The following PLEKHD1 variants were observed in gnomAD, a reference collection of about 807,000 sequenced individuals.
The protein encoded by PLEKHD1 is pleckstrin homology domain-containing family D member 1.
Under a neutral mutation model 69.2 loss-of-function variants are expected in PLEKHD1, and 51 were observed. The observed-to-expected ratio is 0.74, with a 90% CI of 0.59 to 0.93. The LOEUF is 0.93. Among genes scored for constraint, PLEKHD1 ranks in the 40% least tolerant of loss-of-function variants. The probability of loss-of-function intolerance (pLI) is 0.00; values close to 1 mark genes in which losing one functional copy is unlikely to be tolerated. For synonymous variants in PLEKHD1, 236 were observed against 244.7 expected (o/e 0.96, Z 0.33); for missense variants, 584 against 641.0 (o/e 0.91, Z 0.96).
At chr14:69,477,354 T>C in the PLEKHD1 span, among the ~76,000 whole-genome samples, 87 of 152,326 alleles carry the variant, frequency 5.7e-4, no homozygotes, top group Middle Eastern at 3.4e-3. Flanking sequence ...GAATTCAAGA[T>C]GAGATTTGGG....
intron 9 of PLEKHD1, 111 bp downstream of exon 9, chr14:69,526,233 C>A: frequency 8.8e-7 from 1 of 1,141,262 alleles, no homozygotes; most frequent in Non-Finnish European, 1.2e-6. Context: ...AAGTAGGACT[C>A]ACTCACTTCC....
At chr14:69,470,232 G>A in the PLEKHD1 span, among the ~76,000 whole-genome samples, 5 of 151,762 alleles carry the variant, frequency 3.3e-5, no homozygotes, top group African/African-American at 1.2e-4. Context: ...GGGGGCCAAG[G>A]TGGGCAGATC....
At chr14:69,493,291 A>G (rs571561178) in intron 1 of PLEKHD1, among the ~76,000 whole-genome samples, 2 of 152,370 alleles carry the variant, frequency 1.3e-5, no homozygotes, top group African/African-American at 4.8e-5. Context: ...TTCCAGTCAC[A>G]TGTAATGAGG....
At chr14:69,498,868 G>A (rs1169934933) in intron 1 of PLEKHD1, among the ~76,000 whole-genome samples, 1 of 151,782 alleles carries the variant, frequency 6.6e-6, no homozygotes, top group Non-Finnish European at 1.5e-5. Flanking sequence ...GGCTGGTCTC[G>A]ATCTCCCGAC....
At chr14:69,499,119 T>C (rs1029721567) in intron 1 of PLEKHD1, among the ~76,000 whole-genome samples, 2 of 152,138 alleles carry the variant, frequency 1.3e-5, no homozygotes, top group Non-Finnish European at 2.9e-5. Context: ...ACCAACACCA[T>C]GTGACCAAAT....
intron 1 of PLEKHD1, among the ~76,000 whole-genome samples, chr14:69,492,504 G>A (rs1882798750): frequency 6.6e-6 from 1 of 152,194 alleles, no homozygotes; most frequent in Non-Finnish European, 1.5e-5. Flanking sequence ...CTACGATGTT[G>A]CAGAGTACTT....
At chr14:69,506,034 T>A (rs1883145065) in intron 6 of PLEKHD1, among the ~76,000 whole-genome samples, 1 of 152,210 alleles carries the variant, frequency 6.6e-6, no homozygotes, top group Non-Finnish European at 1.5e-5. Flanking sequence ...TCTGGCAAGG[T>A]TCTTGCCACC....
chr14:69,476,742 G>T, the PLEKHD1 span, among the ~76,000 whole-genome samples: 1 of 152,184 alleles, frequency 6.6e-6, no homozygotes, highest in African/African-American at 2.4e-5. Context: ...GGAGCAGAGG[G>T]CCAGGGGAAT....
At chr14:69,491,609 A>T (rs190873878) in intron 1 of PLEKHD1, among the ~76,000 whole-genome samples, 10 of 152,326 alleles carry the variant, frequency 6.6e-5, no homozygotes, top group African/African-American at 2.4e-4. Flanking sequence ...CAGAGACTGG[A>T]TAGGCCTTTG....
At position 69,531,214 on chromosome 14, in the gene PLEKHD1, A is replaced by C. The variant is rs1387159971; in HGVS notation, c.*2795A>C. 6.6e-6 allele frequency: 1 copy of C among 151,864 alleles called. No homozygotes were observed. Among genetic ancestry groups the C allele is most frequent in the African/African-American group, 2.4e-5 (1 of 40,948 alleles). The allele number at this position is 151,864 out of a possible 1,614,324, so 9.4% of individuals were successfully genotyped here. A position where few individuals can be genotyped will look rare whatever the true frequency, so the allele number is the denominator to read the frequency against. On this transcript the variant is annotated 3_prime_UTR_variant, in exon 13 of 13. Coordinates refer to ENST00000322564, the MANE Select transcript of PLEKHD1 (RefSeq NM_001161498.2). ...CTGCAAACTACTGGGATAGTAATTA[A>C]ATTTCAGTGTGAGTTTGGGAGGGAA... is the stretch of plus-strand genomic sequence containing the variant.
rs1158766928 is a variant in PLEKHD1, at chr14:69,526,797, G to T, written c.1024G>T (p.Ala342Ser). 6.5e-7 allele frequency: 1 copy of T among 1,549,570 alleles called. No homozygotes were observed. The highest frequency in any genetic ancestry group is 1.2e-5 in the South Asian group (1 of 83,846). ...ALQNSLQELTAEKQQAERELK... is the reference protein window; with the variant it reads ...ALQNSLQELTSEKQQAERELK... Reference sequence around the variant, plus strand: ...GCAGAACTCGCTGCAGGAGCTGACGGCAGAGAAGCAGCAGGCTGAGCGGGA... The same window carrying T: ...GCAGAACTCGCTGCAGGAGCTGACGTCAGAGAAGCAGCAGGCTGAGCGGGA... The change falls in exon 10 of 13, where the codon GCA (alanine) becomes TCA (serine). Residue 342 changes from alanine (A) to serine (S), a missense_variant. Transcript: ENST00000322564.
the PLEKHD1 span, among the ~76,000 whole-genome samples, chr14:69,475,751 C>T: frequency 6.6e-6 from 1 of 152,202 alleles, no homozygotes; most frequent in African/African-American, 2.4e-5. Context: ...TGTGCCCACA[C>T]ACCCTTGTGG....
chr14:69,484,871 C>T lies in PLEKHD1; in HGVS notation c.-95C>T, dbSNP rs1272079882. 7.1e-6 allele frequency: 10 copies of T among 1,401,856 alleles called. No individual in the cohort carries two copies. Among genetic ancestry groups the T allele is most frequent in the Admixed American group, 2.2e-5 (1 of 44,540 alleles). The allele number at this position is 1,401,856 out of a possible 1,614,324, so 86.8% of individuals were successfully genotyped here. ...CGCTCTGCTTCTCTGCTCGCTGGGA[C>T]GCTCTCCGACGGCTCCGCCCTCGCC... On this transcript the variant is annotated 5_prime_UTR_variant, in exon 1 of 13. In the 5' UTR this introduces an upstream ATG that the reference lacks. Transcript: ENST00000322564.
At chr14:69,512,001 T>C (rs1275734) in intron 6 of PLEKHD1, among the ~76,000 whole-genome samples, 151,447 of 152,354 alleles carry the variant, frequency 0.99, 75,328 homozygotes, top group Middle Eastern at 1. Context: ...TGATATAATT[T>C]ATCACTGAGC....
At position 69,502,811 on chromosome 14, in the gene PLEKHD1, G is replaced by T. The variant is rs929769447; in HGVS notation, c.503-16G>T. The T allele has an allele frequency of 6.4e-7, 1 of 1,551,546 alleles. No homozygotes were observed. The highest frequency in any genetic ancestry group is 8.7e-7 in the Non-Finnish European group (1 of 1,146,944). ...TGATTGTGTGTGCATGTGTGTGTGT[G>T]TGCTTGTTTTGGCAGACAAACTGAT... On this transcript the variant is annotated splice_polypyrimidine_tract_variant and intron_variant, in intron 5 of 12. Transcript: ENST00000322564.
At chr14:69,468,503 G>T in the PLEKHD1 span, among the ~76,000 whole-genome samples, 1 of 152,164 alleles carries the variant, frequency 6.6e-6, no homozygotes, top group Non-Finnish European at 1.5e-5. Flanking sequence ...TATTATAAGT[G>T]CTTTCACATT....
chr14:69,468,549 C>G, the PLEKHD1 span, among the ~76,000 whole-genome samples: 1 of 62,972 alleles, frequency 1.6e-5, no homozygotes, highest in Admixed American at 1.5e-4. Context: ...TCCTTCCTTT[C>G]TTTCTTTCTT....
upstream of PLEKHD1, chr14:69,484,707 AG>A: frequency 2.4e-6 from 1 of 410,288 alleles, no homozygotes; most frequent in Non-Finnish European, 4.4e-6. Flanking sequence ...TGCCGGCCCG[AG>A]GCTGAGCCAC....
intron 1 of PLEKHD1, among the ~76,000 whole-genome samples, chr14:69,488,569 A>C (rs142191515): frequency 6.6e-6 from 1 of 152,068 alleles, no homozygotes; most frequent in Admixed American, 6.5e-5. Context: ...TCTATTCTTC[A>C]AACTTCTACC....
Sources: allele counts gnomAD v4.1 joint callset (sites outside exome capture counted in the v4.1 genomes callset), GRCh38; gene constraint gnomAD v4.1.1; transcripts MANE v1.5; gene names NCBI Gene and HGNC (gene_info 2026-07-23, HGNC 2026-07-21).